SEC24A: variants seen among roughly 807,000 people sequenced by gnomAD.
The protein encoded by SEC24A is protein transport protein Sec24A.
A neutral mutation model predicts 129.4 loss-of-function variants in SEC24A; 93 were observed. That is an observed-to-expected ratio of 0.72 (90% CI 0.61 to 0.85). The LOEUF is 0.85. SEC24A is among the 40% of genes least tolerant of loss of function. The pLI, the probability that SEC24A is intolerant of heterozygous loss-of-function variation, is 0.00. For missense variants in SEC24A, 1,264 were observed against 1,307.4 expected, an observed-to-expected ratio of 0.97 and a Z score of 0.51; for synonymous variants, 460 against 467.3, an observed-to-expected ratio of 0.98 and a Z score of 0.20.
At chr5:134,654,830 C>T (rs1357857788) in intron 1 of SEC24A, among the ~76,000 whole-genome samples, 1 of 152,194 alleles carries the variant, frequency 6.6e-6, no homozygotes, top group Non-Finnish European at 1.5e-5. Flanking sequence ...AATCCTCCTG[C>T]TTCAGCCCCT....
Position 134,706,924 on chromosome 5 carries a change from C to T in SEC24A, c.2551+1487C>T, listed in dbSNP as rs184738563. On this transcript the variant is annotated intron_variant, in intron 17 of 22. Coordinates refer to ENST00000398844, the MANE Select transcript of SEC24A (RefSeq NM_021982.3). Reference sequence around the variant, plus strand: ...CAGGATGGTCTCAATCTCTTGACCTCGTGATCCACCCACCTCGGCCTCCCA... The same window carrying T: ...CAGGATGGTCTCAATCTCTTGACCTTGTGATCCACCCACCTCGGCCTCCCA... Among the ~76,000 whole-genome samples the T allele has an allele frequency of 1.4e-3, 212 of 151,936 alleles. 6 individuals carry two copies. In the East Asian group the frequency reaches 0.033, roughly 24 times the overall value.
intron 16 of SEC24A, among the ~76,000 whole-genome samples, chr5:134,704,412 C>T (rs1752092576): frequency 1.3e-5 from 2 of 151,966 alleles, no homozygotes; most frequent in East Asian, 1.9e-4. Flanking sequence ...CTAAAAAGTT[C>T]AAAAAAGAGA....
chr5:134,651,790 A>G (rs1198104335), intron 1 of SEC24A, among the ~76,000 whole-genome samples: 2 of 151,814 alleles, frequency 1.3e-5, no homozygotes, highest in African/African-American at 4.8e-5. Context: ...TCATCCTGCT[A>G]ATAATACAGA....
intron 2 of SEC24A, among the ~76,000 whole-genome samples, chr5:134,663,988 G>A (rs1192999036): frequency 6.6e-6 from 1 of 152,126 alleles, no homozygotes; most frequent in Admixed American, 6.6e-5. Context: ...GCACGTGCCT[G>A]TAATCCCAGC....
chr5:134,721,296 C>G (rs1313195672), intron 21 of SEC24A, among the ~76,000 whole-genome samples: 1 of 151,876 alleles, frequency 6.6e-6, no homozygotes, highest in Non-Finnish European at 1.5e-5. Context: ...CCAGCCACAG[C>G]GGCTCACACT....
In SEC24A at chr5:134,671,820, A is replaced by G. The variant is rs779096788; in HGVS notation, c.751A>G (p.Asn251Asp). The G allele has an allele frequency of 2.5e-6, 4 of 1,598,644 alleles. No homozygotes were observed. The highest frequency in any genetic ancestry group is 1.7e-6 in the Non-Finnish European group (2 of 1,172,200). Residue 251 changes from asparagine to aspartate, a missense_variant, in exon 4 of 23, where the codon AAT becomes GAT. Physicochemically the swap from Asn to Asp is conservative, Grantham distance 23. Coordinates refer to ENST00000398844, the MANE Select transcript of SEC24A (RefSeq NM_021982.3). The stretch of plus-strand genomic sequence containing the variant: ...AACTTCCTTCTTAGGTATTACATCA[A>G]ATACCAATAACGGATCTATGGTGGT... ...SAVNQEGITS[N>D]TNNGSMVVHS... is the part of the protein sequence containing the mutation.
intron 1 of SEC24A, among the ~76,000 whole-genome samples, chr5:134,652,612 G>A (rs762765299): frequency 6.7e-6 from 1 of 149,162 alleles, no homozygotes; most frequent in African/African-American, 2.5e-5. Flanking sequence ...TTTTTGAGAC[G>A]GAGTCTTGCT....
At chr5:134,708,459 A>G (rs577197548) in intron 17 of SEC24A, among the ~76,000 whole-genome samples, 1 of 152,348 alleles carries the variant, frequency 6.6e-6, no homozygotes, top group South Asian at 2.1e-4. Context: ...TCAGTAGCAT[A>G]ACTGAGGCTC....
At chr5:134,698,793 C>T (rs1372506456) in intron 15 of SEC24A, among the ~76,000 whole-genome samples, 12 of 151,802 alleles carry the variant, frequency 7.9e-5, no homozygotes, top group Admixed American at 5.9e-4. Flanking sequence ...CCACCATGCC[C>T]GGCTAATTTT....
intron 17 of SEC24A, among the ~76,000 whole-genome samples, chr5:134,707,550 C>T (rs1267697114): frequency 5.3e-5 from 8 of 151,970 alleles, no homozygotes; most frequent in African/African-American, 1.7e-4. Flanking sequence ...AGGGTGGTCT[C>T]GATCTCCTGA....
chr5:134,675,319 A>G (rs1554138312), intron 6 of SEC24A, 102 bp downstream of exon 6: 5 of 870,626 alleles, frequency 5.7e-6, no homozygotes, highest in Non-Finnish European at 8.7e-6. Flanking sequence ...TTATTAATTT[A>G]TGAAAGTTCT....
At chr5:134,701,275 G>A (rs1030315977) in intron 15 of SEC24A, 3 of 152,222 alleles carry the variant, frequency 2.0e-5, no homozygotes, top group African/African-American at 7.2e-5. Flanking sequence ...GTCGAAGTGA[G>A]TACCTAATAG....
chr5:134,715,851 T>A (rs1580739923), intron 19 of SEC24A, among the ~76,000 whole-genome samples: 4 of 140,558 alleles, frequency 2.8e-5, no homozygotes, highest in African/African-American at 5.2e-5. Context: ...CTTAAAGTAT[T>A]AAAAAAAAAA....
At chr5:134,676,624 A>G (rs1381856995) in intron 7 of SEC24A, among the ~76,000 whole-genome samples, 2 of 151,670 alleles carry the variant, frequency 1.3e-5, no homozygotes, top group Admixed American at 1.3e-4. Context: ...TTTTATTTTT[A>G]GTAGAGATGG....
chr5:134,678,465 C>G (rs1285578138), intron 7 of SEC24A, among the ~76,000 whole-genome samples: 1 of 149,658 alleles, frequency 6.7e-6, no homozygotes, highest in African/African-American at 2.5e-5. Flanking sequence ...TTTAAAAACT[C>G]TTTTTTTTTG....
chr5:134,718,377 C>T (rs890049842), intron 20 of SEC24A, among the ~76,000 whole-genome samples: 45 of 152,126 alleles, frequency 3.0e-4, no homozygotes, highest in Non-Finnish European at 5.7e-4. Context: ...CTGAAGAATT[C>T]GTATCATTTA....
intron 13 of SEC24A, among the ~76,000 whole-genome samples, chr5:134,696,053 C>T (rs1751814298): frequency 6.6e-6 from 1 of 151,556 alleles, no homozygotes; most frequent in Admixed American, 6.6e-5. Context: ...GATCATCTAA[C>T]TTTGGGAATT....
chr5:134,705,411 C>G lies in SEC24A; in HGVS notation c.2525C>G (p.Ala842Gly). ...NDVFLGADVQ[A>G]ISGLLANMAV... is the part of the protein sequence containing the mutation. Reference sequence around the variant, plus strand: ...GTCTTTCTTGGAGCTGATGTTCAAGCAATTTCAGGGTTATTGGCCAATATG... The same window carrying G: ...GTCTTTCTTGGAGCTGATGTTCAAGGAATTTCAGGGTTATTGGCCAATATG... The change falls in exon 17 of 23, where the codon GCA becomes GGA. Residue 842 changes from alanine to glycine, a missense_variant. Ala to Gly is a moderately conservative substitution (Grantham distance 60). Transcript: ENST00000398844. 6.2e-7 allele frequency: 1 copy of G among 1,612,024 alleles called. No homozygotes were observed. Among genetic ancestry groups the G allele is most frequent in the South Asian group, 1.1e-5 (1 of 90,862 alleles).
intron 1 of SEC24A, among the ~76,000 whole-genome samples, chr5:134,659,119 T>G (rs1177575560): frequency 6.6e-6 from 1 of 151,450 alleles, no homozygotes; most frequent in Non-Finnish European, 1.5e-5. Flanking sequence ...TCACCCAGGC[T>G]GGAGTGCAGT....
Sources: gnomAD v4.1 joint callset for allele counts (sites outside exome capture counted in the v4.1 genomes callset) on GRCh38, gnomAD v4.1.1 for gene constraint, MANE v1.5 for transcripts, NCBI Gene and HGNC (gene_info 2026-07-23, HGNC 2026-07-21) for gene names.